ARHGAP44: variants seen among roughly 807,000 people sequenced by gnomAD.
ARHGAP44 encodes rho GTPase-activating protein 44.
ARHGAP44 carries 43 observed loss-of-function variants against 106.8 expected under a neutral mutation model. That is an observed-to-expected ratio of 0.40 (90% CI 0.32 to 0.52). ARHGAP44 has a LOEUF of 0.52. Ranked by LOEUF, ARHGAP44 falls within the 20% of genes least tolerant of loss-of-function variation. The pLI is 0.48. For missense variants in ARHGAP44, 866 were observed against 1,050.5 expected (o/e 0.82, Z 2.43); for synonymous variants, 439 against 410.3 (o/e 1.07, Z -0.85).
At chr17:12,868,892 G>C (rs954647674) in intron 1 of ARHGAP44, among the ~76,000 whole-genome samples, 1 of 151,256 alleles carries the variant, frequency 6.6e-6, no homozygotes, top group Non-Finnish European at 1.5e-5. Flanking sequence ...TCCTGACCTC[G>C]TGATCCACCC....
chr17:12,846,285 T>C (rs2035568238), intron 1 of ARHGAP44, among the ~76,000 whole-genome samples: 2 of 152,164 alleles, frequency 1.3e-5, no homozygotes, highest in Admixed American at 1.3e-4. Context: ...ACAGTGTAAA[T>C]TTAAAGTATA....
At chr17:12,836,701 A>C (rs1393320027) in intron 1 of ARHGAP44, among the ~76,000 whole-genome samples, 2 of 152,102 alleles carry the variant, frequency 1.3e-5, no homozygotes, top group Non-Finnish European at 1.5e-5. Context: ...CACTAATAAA[A>C]GACTCAGTTT....
At chr17:12,973,705 G>GC (rs1412096982) in intron 17 of ARHGAP44, 39 of 475,670 alleles carry the variant, frequency 8.2e-5, no homozygotes, top group African/African-American at 1.2e-4. Flanking sequence ...GAGTGTCCCT[G>GC]CCCCCCCAGT....
At chr17:12,891,798 G>GTTT (rs11408193) in intron 1 of ARHGAP44, among the ~76,000 whole-genome samples, 15 of 142,610 alleles carry the variant, frequency 1.1e-4, no homozygotes, top group South Asian at 2.2e-4. Context: ...CATTTTTGGG[G>GTTT]TTTTTTTTTT....
At chr17:12,950,458 G>C (rs2038966240) in intron 12 of ARHGAP44, among the ~76,000 whole-genome samples, 1 of 152,156 alleles carries the variant, frequency 6.6e-6, no homozygotes, top group Non-Finnish European at 1.5e-5. Context: ...CAGCTGCATG[G>C]AGCAGGCAAA....
intron 1 of ARHGAP44, among the ~76,000 whole-genome samples, chr17:12,830,554 G>A (rs1253412509): frequency 6.6e-6 from 1 of 152,102 alleles, no homozygotes; most frequent in Non-Finnish European, 1.5e-5. Context: ...GTAATATGAG[G>A]AATCAGGAAG....
At chr17:12,825,860 A>G in intron 1 of ARHGAP44, among the ~76,000 whole-genome samples, 1 of 152,226 alleles carries the variant, frequency 6.6e-6, no homozygotes, top group East Asian at 1.9e-4. Context: ...TATGACATGT[A>G]GAAGGCAGTC....
chr17:12,820,467 G>A (rs569520856), intron 1 of ARHGAP44, among the ~76,000 whole-genome samples: 1 of 152,254 alleles, frequency 6.6e-6, no homozygotes, highest in South Asian at 2.1e-4. Context: ...GTAAAATTAA[G>A]GTTAAGATGT....
Position 12,891,899 on chromosome 17 carries a change from G to A in ARHGAP44, c.54-3041G>A, listed in dbSNP as rs139106960. ...AACCTCTGCCTCCCCAGGTTCAAGC[G>A]ATTCTCCTGCCTCAGCCTCCTCAGT... On this transcript the variant is annotated intron_variant, in intron 1 of 20. Coordinates refer to ENST00000379672, the MANE Select transcript of ARHGAP44 (RefSeq NM_014859.6). Among the ~76,000 whole-genome samples the A allele has an allele frequency of 3.8e-3, 582 of 151,556 alleles. 3 individuals are homozygous for A. Among genetic ancestry groups the A allele is most frequent in the African/African-American group, 0.013 (535 of 41,344 alleles).
At chr17:12,968,607 G>T (rs560315499) in intron 16 of ARHGAP44, among the ~76,000 whole-genome samples, 15,722 of 151,946 alleles carry the variant, frequency 0.1, 920 homozygotes, top group South Asian at 0.2. Context: ...ATTTTAGCAA[G>T]CCCCTATTCT....
chr17:12,900,406 C>A (rs905796346), intron 3 of ARHGAP44, among the ~76,000 whole-genome samples: 2 of 151,896 alleles, frequency 1.3e-5, no homozygotes, highest in Non-Finnish European at 2.9e-5. Context: ...GGATTACAGG[C>A]GTGAGCCACC....
chr17:12,813,101 G>A (rs975925471), intron 1 of ARHGAP44, among the ~76,000 whole-genome samples: 2 of 152,114 alleles, frequency 1.3e-5, no homozygotes, highest in Non-Finnish European at 2.9e-5. Flanking sequence ...GCTTTGCACC[G>A]TCCTGCCCAC....
intron 16 of ARHGAP44, among the ~76,000 whole-genome samples, chr17:12,967,278 TG>T (rs2039418599): frequency 7.9e-6 from 1 of 126,806 alleles, no homozygotes; most frequent in South Asian, 2.5e-4. Flanking sequence ...TTTTTTTTCC[TG>T]AGATACAGTC....
At position 12,874,331 on chromosome 17, in the gene ARHGAP44, C is replaced by T. The variant is rs555186099; in HGVS notation, c.54-20609C>T. Among the ~76,000 whole-genome samples, 4 of 152,262 alleles carry T rather than the reference C, an allele frequency of 2.6e-5. No homozygotes were observed. The South Asian group carries it at 6.2e-4, about 24-fold the overall frequency. The stretch of plus-strand genomic sequence containing the variant: ...GGGAAACTGGGACAGTATGGCTTTC[C>T]ACCCTCTGTCGTGGGAGGCAGCAAA... On this transcript the variant is annotated intron_variant, in intron 1 of 20. Transcript: ENST00000379672.
intron 19 of ARHGAP44, among the ~76,000 whole-genome samples, chr17:12,981,483 C>T (rs551821975): frequency 2.0e-5 from 3 of 151,882 alleles, no homozygotes; most frequent in Admixed American, 6.5e-5. Flanking sequence ...CTGCAACCTC[C>T]GCCTCCTGGG....
At chr17:12,830,414 G>A (rs1184667944) in intron 1 of ARHGAP44, among the ~76,000 whole-genome samples, 1 of 152,122 alleles carries the variant, frequency 6.6e-6, no homozygotes, top group Admixed American at 6.5e-5. Context: ...ATGTGGCTGG[G>A]AGGAGAGTAT....
At chr17:12,920,425 T>C (rs1416200758) in intron 6 of ARHGAP44, among the ~76,000 whole-genome samples, 1 of 143,980 alleles carries the variant, frequency 6.9e-6, no homozygotes, top group Non-Finnish European at 1.5e-5. Flanking sequence ...AAGGCGATGA[T>C]GGAGAAAGGG....
chr17:12,842,072 C>G lies in ARHGAP44; in HGVS notation c.53+52181C>G, dbSNP rs9895311. On this transcript the variant is annotated intron_variant, in intron 1 of 20. Transcript: ENST00000379672. ...TGCAGCCATGAATCTCAGCCTTGGC[C>G]GAACATGAGAATCGCTTGGACCCCG... Among the ~76,000 whole-genome samples the G allele has an allele frequency of 9.9e-5, 15 of 151,298 alleles. 1 individual carries two copies. Among genetic ancestry groups the G allele is most frequent in the South Asian group, 8.4e-4 (4 of 4,790 alleles).
intron 1 of ARHGAP44, among the ~76,000 whole-genome samples, chr17:12,798,710 C>A (rs2033999227): frequency 2.0e-5 from 3 of 151,940 alleles, no homozygotes. Flanking sequence ...TGATTTTTTT[C>A]CCCCATATCT....
Sources: allele counts gnomAD v4.1 joint callset (sites outside exome capture counted in the v4.1 genomes callset), GRCh38; gene constraint gnomAD v4.1.1; transcripts MANE v1.5; gene names NCBI Gene and HGNC (gene_info 2026-07-23, HGNC 2026-07-21).